RBFOX2: variants seen among roughly 807,000 people sequenced by gnomAD.
RBFOX2 encodes RNA binding fox-1 homolog 2.
Under a neutral mutation model 49.1 loss-of-function variants are expected in RBFOX2, and 10 were observed. The ratio of observed to expected loss-of-function variants is 0.20; its 90% CI spans 0.13 to 0.35. The LOEUF (loss-of-function observed/expected upper bound fraction) is 0.35, where lower values mean the gene tolerates loss of function less well. Ranked by LOEUF, RBFOX2 falls within the 10% of genes least tolerant of loss-of-function variation. RBFOX2 has a pLI of 1.00. For missense variants in RBFOX2, 323 were observed against 486.9 expected (o/e 0.66, Z 3.17); for synonymous variants, 183 against 187.4 (o/e 0.98, Z 0.19).
intron 2 of RBFOX2, among the ~76,000 whole-genome samples, chr22:35,791,064 C>T (rs1462586822): frequency 1.3e-5 from 2 of 151,216 alleles, no homozygotes; most frequent in African/African-American, 4.9e-5. Context: ...AACAAGCAAG[C>T]TAGAAAAAAA....
intron 1 of RBFOX2, among the ~76,000 whole-genome samples, chr22:36,024,474 G>C (rs2059355276): frequency 6.6e-6 from 1 of 152,184 alleles, no homozygotes; most frequent in Non-Finnish European, 1.5e-5. Context: ...AGGTGCAGTG[G>C]CTCATGCCTG....
intron 1 of RBFOX2, among the ~76,000 whole-genome samples, chr22:35,915,539 C>G (rs2149542927): frequency 6.6e-6 from 1 of 152,304 alleles, no homozygotes; most frequent in Non-Finnish European, 1.5e-5. Flanking sequence ...AGGGACTCCA[C>G]ACGACTGGTC....
At chr22:35,829,651 T>C (rs1483921259) in intron 1 of RBFOX2, among the ~76,000 whole-genome samples, 1 of 152,166 alleles carries the variant, frequency 6.6e-6, no homozygotes, top group Non-Finnish European at 1.5e-5. Context: ...CTGCTATATA[T>C]CTGCGATGAC....
intron 1 of RBFOX2, among the ~76,000 whole-genome samples, chr22:35,816,051 A>C (rs1268613500): frequency 6.6e-6 from 1 of 152,204 alleles, no homozygotes; most frequent in Admixed American, 6.5e-5. Flanking sequence ...CTGGATTTAA[A>C]ATCATCTAGG....
At chr22:35,935,954 CAA>C (rs1184277222) in intron 1 of RBFOX2, among the ~76,000 whole-genome samples, 3 of 152,102 alleles carry the variant, frequency 2.0e-5, no homozygotes, top group African/African-American at 4.8e-5. Context: ...CCAAAACAAT[CAA>C]AAGAGTTATC....
At chr22:35,879,360 T>TA (rs2045576388) in intron 1 of RBFOX2, among the ~76,000 whole-genome samples, 1 of 152,240 alleles carries the variant, frequency 6.6e-6, no homozygotes, top group Non-Finnish European at 1.5e-5. Context: ...GCTATTTACA[T>TA]AAAATTTACA....
At chr22:35,785,555 T>C (rs1946211893) in intron 2 of RBFOX2, among the ~76,000 whole-genome samples, 1 of 152,224 alleles carries the variant, frequency 6.6e-6, no homozygotes, top group Non-Finnish European at 1.5e-5. Context: ...GAGATACTTC[T>C]GGCTCAGAGA....
At chr22:35,847,776 T>A (rs539665312) in intron 1 of RBFOX2, among the ~76,000 whole-genome samples, 2 of 152,138 alleles carry the variant, frequency 1.3e-5, no homozygotes, top group South Asian at 4.1e-4. Context: ...AACCTACAAA[T>A]GGAGTAAAGC....
chr22:35,743,365 T>C (rs1930885678), exon 12 of RBFOX2: 1 of 152,146 alleles, frequency 6.6e-6, no homozygotes, highest in South Asian at 2.1e-4. Context: ...AGCTAAGCTG[T>C]GGTTCAATTA....
chr22:35,897,369 G>T, intron 1 of RBFOX2: 2 of 1,178,652 alleles, frequency 1.7e-6, no homozygotes, highest in Non-Finnish European at 2.6e-6. Flanking sequence ...TTCCAGTGGT[G>T]TTGCCTGAAT....
chr22:35,926,412 T>C (rs1459493038), intron 1 of RBFOX2, among the ~76,000 whole-genome samples: 1 of 152,238 alleles, frequency 6.6e-6, no homozygotes, highest in Admixed American at 6.5e-5. Context: ...TAATTCTTTT[T>C]GATGGTCACA....
chr22:35,976,273 A>T (rs140519455), intron 1 of RBFOX2, among the ~76,000 whole-genome samples: 263 of 152,180 alleles, frequency 1.7e-3, no homozygotes, highest in African/African-American at 5.7e-3. Flanking sequence ...AGTAGCCATT[A>T]TCCCACCCCT....
chr22:35,754,602 A>C (rs193103888), intron 9 of RBFOX2, among the ~76,000 whole-genome samples: 47 of 152,368 alleles, frequency 3.1e-4, no homozygotes, highest in African/African-American at 1.1e-3. Context: ...GAGAATGTAC[A>C]TGCTAACATC....
intron 2 of RBFOX2, among the ~76,000 whole-genome samples, chr22:35,790,633 G>T (rs1947408123): frequency 6.6e-6 from 1 of 152,198 alleles, no homozygotes; most frequent in Non-Finnish European, 1.5e-5. Flanking sequence ...CTATAGCTAT[G>T]TAAGATGCTA....
At chr22:35,810,188 GACACACACACAC>G (rs58254412) in intron 1 of RBFOX2, among the ~76,000 whole-genome samples, 184 bp from the exon 3 acceptor site, 27 of 142,702 alleles carry the variant, frequency 1.9e-4, no homozygotes, top group African/African-American at 5.6e-4. Context: ...TATGTGGACA[GACACACACACAC>G]ACACACACAC....
At chr22:35,947,672 TAAAAAAAA>T (rs559788717) in intron 1 of RBFOX2, among the ~76,000 whole-genome samples, 39 of 34,126 alleles carry the variant, frequency 1.1e-3, no homozygotes, top group African/African-American at 4.2e-3. Context: ...GTTTAAAAAG[TAAAAAAAA>T]AAAAAAAAAA....
intron 1 of RBFOX2, among the ~76,000 whole-genome samples, chr22:35,976,082 C>T (rs561071739): frequency 2.0e-5 from 3 of 152,238 alleles, no homozygotes; most frequent in African/African-American, 4.8e-5. Context: ...CACTTCATGA[C>T]GCATATAATC....
chr22:35,943,445 C>G (rs2053914788), upstream of RBFOX2, among the ~76,000 whole-genome samples: 1 of 152,168 alleles, frequency 6.6e-6, no homozygotes, highest in South Asian at 2.1e-4. Flanking sequence ...TGTCTTGGCA[C>G]AGAGACTGCT....
chr22:35,751,603 A>G (rs1934951507), intron 9 of RBFOX2, among the ~76,000 whole-genome samples: 1 of 152,024 alleles, frequency 6.6e-6, no homozygotes, highest in Non-Finnish European at 1.5e-5. Context: ...GTTCTAGGAG[A>G]TATTATAGAG....
Sources: gnomAD v4.1 joint callset for allele counts (sites outside exome capture counted in the v4.1 genomes callset) on GRCh38, gnomAD v4.1.1 for gene constraint, MANE v1.5 for transcripts, NCBI Gene and HGNC (gene_info 2026-07-23, HGNC 2026-07-21) for gene names.